Variants in CLASP2 observed in about 807,000 individuals in gnomAD.
The protein encoded by CLASP2 is cytoplasmic linker associated protein 2.
In CLASP2, 47 loss-of-function variants were observed where a neutral mutation model predicts 194.4. The observed-to-expected ratio is 0.24, with a 90% CI of 0.19 to 0.31. CLASP2 has a LOEUF of 0.31. CLASP2 is among the 10% of genes least tolerant of loss of function. CLASP2 has a pLI of 1.00. For synonymous variants in CLASP2, 619 were observed against 633.5 expected (o/e 0.98, Z 0.34); for missense variants, 1,445 against 1,823.6 (o/e 0.79, Z 3.78).
intron 28 of CLASP2, among the ~76,000 whole-genome samples, chr3:33,559,912 C>T (rs549172526): frequency 6.6e-6 from 1 of 152,094 alleles, no homozygotes; most frequent in Non-Finnish European, 1.5e-5. Flanking sequence ...AAAAAAGCAA[C>T]ACTATAGGAA....
At chr3:33,714,700 T>A (rs2093206829) in intron 1 of CLASP2, among the ~76,000 whole-genome samples, 1 of 152,000 alleles carries the variant, frequency 6.6e-6, no homozygotes, top group African/African-American at 2.4e-5. Context: ...TATAGTCGAC[T>A]CTCCACAAAG....
intron 37 of CLASP2, among the ~76,000 whole-genome samples, chr3:33,507,654 A>T (rs2048644465): frequency 6.6e-6 from 1 of 151,888 alleles, no homozygotes; most frequent in South Asian, 2.1e-4. Flanking sequence ...GCTAATTTTT[A>T]AAATTTTTTT....
intron 38 of CLASP2, among the ~76,000 whole-genome samples, chr3:33,500,196 C>T (rs1178088086): frequency 6.6e-6 from 1 of 151,976 alleles, no homozygotes; most frequent in African/African-American, 2.4e-5. Flanking sequence ...CCATGCTTGG[C>T]TAATTTTTTT....
intron 34 of CLASP2, among the ~76,000 whole-genome samples, chr3:33,534,355 A>G (rs1321340803): frequency 2.6e-5 from 4 of 152,174 alleles, no homozygotes; most frequent in African/African-American, 2.4e-5. Flanking sequence ...TATGGCCAGG[A>G]GTTCAAGACC....
At chr3:33,612,158 T>C in intron 12 of CLASP2, 87 bp from the exon 13 acceptor site, 3 of 821,420 alleles carry the variant, frequency 3.7e-6, no homozygotes, top group Non-Finnish European at 4.0e-6. Context: ...AAGTATTTAG[T>C]TATGTTACAA....
At position 33,576,241 on chromosome 3, in the gene CLASP2, C is replaced by T. The variant is rs779274979; in HGVS notation, c.2382G>A (p.Leu794=). 1 of 1,613,810 alleles carries T rather than the reference C, an allele frequency of 6.2e-7. No individual in the cohort carries two copies. The highest frequency in any genetic ancestry group is 8.5e-7 in the Non-Finnish European group (1 of 1,179,776). Reference sequence around the variant, plus strand: ...CTCGCATGGCACTAACAGAAGACGACAGTCGACTTGATTGGCTGATCCCAT... The same window carrying T: ...CTCGCATGGCACTAACAGAAGACGATAGTCGACTTGATTGGCTGATCCCAT... The part of the protein sequence containing the change: ...PGYGISQSSR[L]SSSVSAMRVL... Residue 794 remains leucine (L), a synonymous_variant, in exon 24 of 39, where the codon CTG becomes CTA. Transcript: ENST00000682230.
intron 26 of CLASP2, among the ~76,000 whole-genome samples, chr3:33,568,309 T>C (rs112408898): frequency 0.016 from 2,410 of 151,912 alleles, 20 homozygotes; most frequent in South Asian, 0.032. Context: ...TCACAGCACT[T>C]TGGGGGGACA....
intron 23 of CLASP2, chr3:33,577,392 T>G: frequency 1.5e-6 from 1 of 666,570 alleles, no homozygotes; most frequent in East Asian, 3.0e-5. Context: ...ATCAGAGTAT[T>G]GCCAAATAGG....
intron 30 of CLASP2, among the ~76,000 whole-genome samples, chr3:33,546,328 G>T (rs762170280): frequency 6.6e-6 from 1 of 151,982 alleles, no homozygotes; most frequent in Non-Finnish European, 1.5e-5. Context: ...ATGTTCCATT[G>T]ATCTATTTGT....
intron 8 of CLASP2, among the ~76,000 whole-genome samples, chr3:33,637,732 G>GT (rs2080441032): frequency 6.6e-6 from 1 of 152,046 alleles, no homozygotes; most frequent in Admixed American, 6.6e-5. Flanking sequence ...ACGAATCATC[G>GT]TTTTTTACCC....
intron 7 of CLASP2, among the ~76,000 whole-genome samples, chr3:33,660,354 C>T (rs2154331645): frequency 6.6e-6 from 1 of 152,296 alleles, no homozygotes; most frequent in South Asian, 2.1e-4. Flanking sequence ...GCTAATTCTA[C>T]TGCATTTAGG....
At chr3:33,681,791 G>C (rs2089897737) in intron 6 of CLASP2, among the ~76,000 whole-genome samples, 1 of 152,198 alleles carries the variant, frequency 6.6e-6, no homozygotes, top group African/African-American at 2.4e-5. Flanking sequence ...GCTGAAATCT[G>C]ATCTCTAACG....
At chr3:33,509,721 T>G (rs1294905269) in intron 37 of CLASP2, among the ~76,000 whole-genome samples, 1 of 152,210 alleles carries the variant, frequency 6.6e-6, no homozygotes, top group African/African-American at 2.4e-5. Flanking sequence ...AAAATATTAT[T>G]TATTGGATGG....
intron 18 of CLASP2, chr3:33,602,292 T>C (rs9850156): frequency 0.048 from 23,158 of 486,092 alleles, 1,028 homozygotes; most frequent in African/African-American, 0.17. Flanking sequence ...GAGTGTCATG[T>C]TGGTGCTCAA....
chr3:33,667,406 C>CAAAAAAAAAAAAA (rs537846651), intron 6 of CLASP2, among the ~76,000 whole-genome samples: 1,388 of 44,060 alleles, frequency 0.032, 151 homozygotes, highest in Non-Finnish European at 0.041. Flanking sequence ...GAGACTATCT[C>CAAAAAAAAAAAAA]AAAAAAAAAA....
intron 17 of CLASP2, among the ~76,000 whole-genome samples, chr3:33,603,645 C>T (rs1018430302): frequency 6.6e-6 from 1 of 151,916 alleles, no homozygotes; most frequent in Admixed American, 6.6e-5. Flanking sequence ...TTTTTTGAGA[C>T]AAAGTCTCGC....
intron 1 of CLASP2, among the ~76,000 whole-genome samples, chr3:33,713,004 C>A (rs2093094355): frequency 9.9e-6 from 1 of 101,236 alleles, no homozygotes; most frequent in Non-Finnish European, 1.9e-5. Context: ...AAGAGCAAAA[C>A]TCCACCTCAA....
intron 9 of CLASP2, among the ~76,000 whole-genome samples, chr3:33,628,754 G>C (rs1207895885): frequency 9.9e-5 from 15 of 152,052 alleles, no homozygotes; most frequent in Admixed American, 9.8e-4. Context: ...ATAAACGTGG[G>C]AACTGAAGCC....
chr3:33,635,725 A>T (rs1337791780), intron 8 of CLASP2, among the ~76,000 whole-genome samples: 1 of 152,210 alleles, frequency 6.6e-6, no homozygotes, highest in Non-Finnish European at 1.5e-5. Context: ...TCAGTTTTTT[A>T]AAAAAGTTTT....
Sources: gnomAD v4.1 joint callset for allele counts (sites outside exome capture counted in the v4.1 genomes callset) on GRCh38, gnomAD v4.1.1 for gene constraint, MANE v1.5 for transcripts, NCBI Gene and HGNC (gene_info 2026-07-23, HGNC 2026-07-21) for gene names.